Variants in REEP1 observed in about 807,000 individuals in gnomAD.
The protein encoded by REEP1 is receptor expression-enhancing protein 1.
REEP1 carries 22 observed loss-of-function variants against 40.3 expected under a neutral mutation model. That is an observed-to-expected ratio of 0.55 (90% CI 0.39 to 0.78). The LOEUF (loss-of-function observed/expected upper bound fraction) is 0.78. Among genes scored for constraint, REEP1 ranks in the 30% least tolerant of loss-of-function variants. The probability of loss-of-function intolerance (pLI) is 0.00; values close to 1 mark genes in which losing one functional copy is unlikely to be tolerated. For missense variants in REEP1, 280 were observed against 361.1 expected (o/e 0.78, Z 1.82); for synonymous variants, 116 against 139.2 (o/e 0.83, Z 1.17).
chr2:86,224,629 G>A (rs933915289), intron 7 of REEP1, among the ~76,000 whole-genome samples: 6 of 152,202 alleles, frequency 3.9e-5, no homozygotes, highest in Non-Finnish European at 8.8e-5. Context: ...ACGGCTTCCA[G>A]GTCTTGAGGC....
In REEP1 at chr2:86,216,860, TAAAG is replaced by T. The variant is rs1162720111; in HGVS notation, c.*175_*178del. 2 of 524,994 alleles carry T rather than the reference TAAAG, an allele frequency of 3.8e-6. No homozygotes were observed. The highest frequency in any genetic ancestry group is 6.8e-6 in the Non-Finnish European group (2 of 292,558). 32.5% of individuals were successfully genotyped at this position (524,994 alleles called of 1,614,324 possible). A position where few individuals can be genotyped will look rare whatever the true frequency, so the allele number is the denominator to read the frequency against. ...TCCCTTTAGCCTCTCCCCAGCAAAA[TAAAG>T]AAAAGGGGGAAAAAAATAAATCCTT... On this transcript the variant is annotated 3_prime_UTR_variant, in exon 9 of 9. Coordinates refer to ENST00000538924, the MANE Select transcript of REEP1 (RefSeq NM_001371279.1).
At chr2:86,281,068 A>G (rs1242598563) in intron 2 of REEP1, among the ~76,000 whole-genome samples, 1 of 152,084 alleles carries the variant, frequency 6.6e-6, no homozygotes, top group Non-Finnish European at 1.5e-5. Context: ...GACTTGACCA[A>G]CCTCGGTCTT....
At chr2:86,311,318 G>A (rs912250505) in intron 1 of REEP1, among the ~76,000 whole-genome samples, 3 of 152,216 alleles carry the variant, frequency 2.0e-5, no homozygotes, top group South Asian at 2.1e-4. Flanking sequence ...AGCAGGGGCC[G>A]ATGGGTTTTT....
intron 2 of REEP1, among the ~76,000 whole-genome samples, chr2:86,275,186 T>G (rs1171944987): frequency 6.6e-6 from 1 of 151,856 alleles, no homozygotes; most frequent in Admixed American, 6.6e-5. Flanking sequence ...CTCTGCACCA[T>G]CTGCTCACCG....
intron 6 of REEP1, among the ~76,000 whole-genome samples, chr2:86,230,035 C>T (rs1473286425): frequency 6.6e-6 from 1 of 152,156 alleles, no homozygotes; most frequent in African/African-American, 2.4e-5. Context: ...GTCATAGGTG[C>T]GGAGGCCAAG....
intron 1 of REEP1, among the ~76,000 whole-genome samples, chr2:86,335,384 G>A (rs2104554759): frequency 6.6e-6 from 1 of 152,266 alleles, no homozygotes; most frequent in South Asian, 2.1e-4. Flanking sequence ...GATAGTGGAA[G>A]TAACAATCCC....
intron 5 of REEP1, among the ~76,000 whole-genome samples, chr2:86,242,984 G>A (rs916528613): frequency 3.3e-5 from 5 of 152,144 alleles, no homozygotes; most frequent in African/African-American, 1.2e-4. Flanking sequence ...ACACGGAAGG[G>A]CAGATTTGGA....
At chr2:86,227,192 C>T (rs1461089382) in intron 7 of REEP1, among the ~76,000 whole-genome samples, 171 bp downstream of exon 7, 1 of 152,176 alleles carries the variant, frequency 6.6e-6, no homozygotes, top group Admixed American at 6.5e-5. Flanking sequence ...GATTTCTAGC[C>T]CACAGGAACT....
chr2:86,334,353 G>A (rs1380496623), intron 1 of REEP1, among the ~76,000 whole-genome samples: 3 of 152,162 alleles, frequency 2.0e-5, no homozygotes, highest in African/African-American at 7.2e-5. Context: ...TGATGTGACA[G>A]AGGCTTACAA....
chr2:86,220,036 C>G lies in REEP1; in HGVS notation c.717G>C (p.Glu239Asp). ...VQNPLAFSDDEEEDLLDFMYK... is the reference protein window; with the variant it reads ...VQNPLAFSDDDEEDLLDFMYK... The stretch of plus-strand genomic sequence containing the variant: ...ACATGAAATCCAGCAGGTCTTCCTC[C>G]TCGTCGTCAGAAAACGCCAATGGGT... The change falls in exon 8 of 9, where the codon GAG becomes GAC. Residue 239 changes from glutamate to aspartate, a missense_variant. Coordinates refer to ENST00000538924, the MANE Select transcript of REEP1 (RefSeq NM_001371279.1). 4 of 1,232,202 alleles carry G rather than the reference C, an allele frequency of 3.2e-6. No homozygotes were observed. The highest frequency in any genetic ancestry group is 3.1e-4 in the Middle Eastern group (1 of 3,210). The allele number at this position is 1,232,202 out of a possible 1,614,324, so 76.3% of individuals were successfully genotyped here. A position where few individuals can be genotyped will look rare whatever the true frequency, so the allele number is the denominator to read the frequency against.
chr2:86,305,078 G>A (rs78406834), intron 1 of REEP1, among the ~76,000 whole-genome samples: 304 of 152,128 alleles, frequency 2.0e-3, no homozygotes, highest in African/African-American at 7.0e-3. Flanking sequence ...TACCTTGTTA[G>A]ATGTTCAACA....
In REEP1 at chr2:86,264,001, G is replaced by A; in HGVS notation, c.146C>T (p.Thr49Ile). The A allele has an allele frequency of 6.2e-7, 1 of 1,613,660 alleles. No homozygotes were observed. The highest frequency in any genetic ancestry group is 8.5e-7 in the Non-Finnish European group (1 of 1,179,570). Residue 49 changes from threonine (T) to isoleucine (I), a missense_variant, in exon 3 of 9, where the codon ACC (threonine) becomes ATC (isoleucine). Thr to Ile is a moderately conservative substitution (Grantham distance 89, BLOSUM62 -1). This residue lies in a region of REEP1 where 68 missense variants were observed against 83.7 expected (regional missense o/e 0.81). Coordinates refer to ENST00000538924, the MANE Select transcript of REEP1 (RefSeq NM_001371279.1). ...MMYWIIFALF[T>I]TAETFTDIFL... Reference sequence around the variant, plus strand: ...GATGTCTGTGAATGTCTCTGCTGTGGTGAAAAGTGCAAATATAATCCAGTA... The same window carrying A: ...GATGTCTGTGAATGTCTCTGCTGTGATGAAAAGTGCAAATATAATCCAGTA...
intron 1 of REEP1, among the ~76,000 whole-genome samples, chr2:86,301,607 A>G (rs955694417): frequency 2.6e-5 from 4 of 152,216 alleles, no homozygotes; most frequent in African/African-American, 7.2e-5. Flanking sequence ...TCTTTCATTC[A>G]TTTTCAAAAT....
chr2:86,260,654 G>C (rs1397350416), intron 3 of REEP1, among the ~76,000 whole-genome samples: 3 of 152,214 alleles, frequency 2.0e-5, no homozygotes, highest in African/African-American at 4.8e-5. Context: ...TCATTGGCTT[G>C]AAGATGAAGG....
intron 1 of REEP1, among the ~76,000 whole-genome samples, chr2:86,300,187 T>C (rs773087886): frequency 2.5e-4 from 38 of 152,206 alleles, no homozygotes; most frequent in Admixed American, 5.2e-4. Context: ...TTTACTGACT[T>C]AAAATTTGTT....
intron 5 of REEP1, among the ~76,000 whole-genome samples, chr2:86,250,945 G>T (rs1469595344): frequency 1.3e-5 from 2 of 152,186 alleles, no homozygotes; most frequent in African/African-American, 4.8e-5. Context: ...AGAGCACCAA[G>T]ATCTGTACTA....
intron 2 of REEP1, among the ~76,000 whole-genome samples, chr2:86,270,865 C>A (rs998221626): frequency 3.3e-5 from 5 of 151,588 alleles, no homozygotes; most frequent in Admixed American, 3.3e-4. Flanking sequence ...CAAAAAAAAA[C>A]ACTTGAAGAA....
At chr2:86,276,727 G>A (rs975534920) in intron 2 of REEP1, among the ~76,000 whole-genome samples, 6 of 152,096 alleles carry the variant, frequency 3.9e-5, no homozygotes, top group Admixed American at 2.6e-4. Context: ...AGGAAATGAG[G>A]GTTCCTTAAT....
chr2:86,319,660 A>G (rs1171070352), intron 1 of REEP1, among the ~76,000 whole-genome samples: 2 of 152,094 alleles, frequency 1.3e-5, no homozygotes, highest in African/African-American at 4.8e-5. Context: ...CTGCCACTGC[A>G]CTCCAGCCTG....
Sources: allele counts gnomAD v4.1 joint callset (sites outside exome capture counted in the v4.1 genomes callset), GRCh38; gene constraint gnomAD v4.1.1; regional missense constraint gnomAD v4.1.1; transcripts MANE v1.5; gene names NCBI Gene and HGNC (gene_info 2026-07-23, HGNC 2026-07-21).